Variants in TRAPPC9 observed in about 807,000 individuals in gnomAD.
The protein encoded by TRAPPC9 is trafficking protein particle complex subunit 9.
A neutral mutation model predicts 124.0 loss-of-function variants in TRAPPC9; 83 were observed. That is an observed-to-expected ratio of 0.67 (90% CI 0.56 to 0.80). The LOEUF is 0.80. Ranked by LOEUF, TRAPPC9 falls within the 30% of genes least tolerant of loss-of-function variation. The pLI is 0.00. For missense variants in TRAPPC9, 1,302 were observed against 1,508.3 expected (o/e 0.86, Z 2.27); for synonymous variants, 638 against 617.5 (o/e 1.03, Z -0.49).
intron 17 of TRAPPC9, among the ~76,000 whole-genome samples, chr8:140,039,521 G>A (rs912302352): frequency 6.6e-6 from 1 of 152,194 alleles, no homozygotes; most frequent in Admixed American, 6.5e-5. Context: ...GATTTAATGT[G>A]CACAACAAAT....
At chr8:140,224,187 T>C (rs548967042) in intron 16 of TRAPPC9, among the ~76,000 whole-genome samples, 1 of 152,110 alleles carries the variant, frequency 6.6e-6, no homozygotes, top group African/African-American at 2.4e-5. Flanking sequence ...TCAGGCTGAA[T>C]AGGCATGAAA....
At chr8:140,268,620 G>C (rs143586034) in intron 15 of TRAPPC9, among the ~76,000 whole-genome samples, 2 of 152,082 alleles carry the variant, frequency 1.3e-5, no homozygotes, top group Admixed American at 1.3e-4. Context: ...CCGGCTCCTC[G>C]TGCAGCTGAC....
At chr8:140,227,931 A>G (rs1350877127) in intron 16 of TRAPPC9, among the ~76,000 whole-genome samples, 18 of 152,234 alleles carry the variant, frequency 1.2e-4, no homozygotes, top group Admixed American at 1.2e-3. Flanking sequence ...GTCACTACCC[A>G]GCAAAACTGA....
intron 21 of TRAPPC9, among the ~76,000 whole-genome samples, chr8:139,829,791 G>A (rs564945171): frequency 1.1e-3 from 174 of 152,334 alleles, no homozygotes; most frequent in African/African-American, 4.1e-3. Context: ...TGTCTCTAGC[G>A]ATGCTACACA....
At chr8:140,218,629 G>A (rs370695399) in intron 17 of TRAPPC9, among the ~76,000 whole-genome samples, 1 of 151,948 alleles carries the variant, frequency 6.6e-6, no homozygotes, top group Admixed American at 6.6e-5. Context: ...ATTTGGATCA[G>A]AGGGTGGAAA....
intron 21 of TRAPPC9, among the ~76,000 whole-genome samples, chr8:139,876,837 C>A (rs1020574317): frequency 1.3e-5 from 2 of 152,182 alleles, no homozygotes; most frequent in Non-Finnish European, 2.9e-5. Context: ...CTCTTCTAGG[C>A]CTTTGTATCT....
chr8:140,359,571 A>G (rs1337574201), intron 9 of TRAPPC9, among the ~76,000 whole-genome samples: 3 of 151,788 alleles, frequency 2.0e-5, no homozygotes, highest in African/African-American at 7.3e-5. Flanking sequence ...TTACCCAGTG[A>G]CTCGAAGGGG....
rs186225288 is a variant in TRAPPC9 at position 140,072,706 on chromosome 8, A to C, written c.2557-48627T>G. ...ATATATTCAATGCATATATATATAT[A>C]TCTTCACTATATGTGTGTATACATA... is the stretch of plus-strand genomic sequence containing the variant. On this transcript the variant is annotated intron_variant, in intron 17 of 22. Transcript: ENST00000438773. 2.4e-3 allele frequency among the ~76,000 whole-genome samples: 365 copies of C among 152,082 alleles called. 3 individuals are homozygous for C. The East Asian group carries it at 0.03, about 12-fold the overall frequency.
intron 19 of TRAPPC9, chr8:139,932,471 G>A (rs758123361): frequency 8.7e-6 from 4 of 457,596 alleles, no homozygotes; most frequent in South Asian, 6.2e-5. Flanking sequence ...GGGTAGAAAT[G>A]TCATGTAGAC....
At chr8:140,351,764 A>G (rs1412624682) in intron 9 of TRAPPC9, among the ~76,000 whole-genome samples, 1 of 152,224 alleles carries the variant, frequency 6.6e-6, no homozygotes, top group Non-Finnish European at 1.5e-5. Context: ...CTCAGGGATG[A>G]CTGTGCTTCC....
At chr8:140,347,046 C>T (rs2067369352) in intron 9 of TRAPPC9, among the ~76,000 whole-genome samples, 1 of 152,204 alleles carries the variant, frequency 6.6e-6, no homozygotes. Context: ...TGGGCAGCAT[C>T]CCACCCATAG....
chr8:139,965,117 C>T (rs1382309661), intron 19 of TRAPPC9, among the ~76,000 whole-genome samples: 2 of 151,582 alleles, frequency 1.3e-5, no homozygotes, highest in African/African-American at 4.8e-5. Flanking sequence ...CTCTGGGGGA[C>T]ACAGGGCCCA....
chr8:140,011,797 C>T (rs897984074), intron 18 of TRAPPC9, among the ~76,000 whole-genome samples: 1 of 151,510 alleles, frequency 6.6e-6, no homozygotes, highest in South Asian at 2.1e-4. Context: ...CCTGCCTCAG[C>T]CTCCTGAGTA....
intron 18 of TRAPPC9, among the ~76,000 whole-genome samples, chr8:140,019,234 T>C (rs1839670351): frequency 3.3e-5 from 5 of 149,774 alleles, no homozygotes; most frequent in Admixed American, 2.6e-4. Context: ...TTCACATGTA[T>C]ATACATGAGG....
chr8:139,922,393 A>T (rs1832569835), intron 19 of TRAPPC9, among the ~76,000 whole-genome samples: 1 of 152,236 alleles, frequency 6.6e-6, no homozygotes, highest in Non-Finnish European at 1.5e-5. Context: ...CATATTGGCC[A>T]GGCTGGTCTC....
In TRAPPC9 at chr8:140,451,140, C is replaced by G; in HGVS notation, c.234G>C (p.Val78=). ...AGCAGTCTGTGATGGTGATGAGGCC[C>G]ACGACTTTGCGGTGGGTCTGGAAGT... The part of the protein sequence containing the change: ...WGDFQTHRKV[V]GLITITDCFS... The change falls in exon 2 of 23, where the codon GTG becomes GTC. Residue 78 remains valine, a synonymous_variant. Transcript: ENST00000438773. 1 of 1,614,004 alleles carries G rather than the reference C, an allele frequency of 6.2e-7. No homozygotes were observed. Among genetic ancestry groups the G allele is most frequent in the Non-Finnish European group, 8.5e-7 (1 of 1,179,992 alleles).
intron 17 of TRAPPC9, among the ~76,000 whole-genome samples, chr8:140,055,501 G>A (rs1842244454): frequency 6.6e-6 from 1 of 152,172 alleles, no homozygotes; most frequent in Non-Finnish European, 1.5e-5. Context: ...ATTCAACACA[G>A]TAGTGGAAGT....
At chr8:139,851,923 G>A (rs1563863362) in intron 21 of TRAPPC9, among the ~76,000 whole-genome samples, 1 of 152,136 alleles carries the variant, frequency 6.6e-6, no homozygotes, top group Non-Finnish European at 1.5e-5. Flanking sequence ...TCCCACAGAT[G>A]CTCCTGGAGG....
chr8:140,092,343 G>A (rs1465722171), intron 17 of TRAPPC9, among the ~76,000 whole-genome samples: 14 of 151,192 alleles, frequency 9.3e-5, no homozygotes, highest in African/African-American at 1.7e-4. Flanking sequence ...GATTACAGGC[G>A]CCCGATGCCA....
Sources: allele counts gnomAD v4.1 joint callset (sites outside exome capture counted in the v4.1 genomes callset), GRCh38; gene constraint gnomAD v4.1.1; transcripts MANE v1.5; gene names NCBI Gene and HGNC (gene_info 2026-07-23, HGNC 2026-07-21).